Variants in ZNF718 observed in about 807,000 individuals in gnomAD.
ZNF718 encodes zinc finger protein 718.
ZNF718 carries 3 observed loss-of-function variants against 2.6 expected under a neutral mutation model. The observed-to-expected ratio is 1.16, with a 90% CI of 0.53 to 3.01. The LOEUF (loss-of-function observed/expected upper bound fraction) is 3.01. Ranked by LOEUF, ZNF718 falls within the 30% of genes most tolerant of loss-of-function variation. ZNF718 has a pLI of 0.03. For missense variants in ZNF718, 468 were observed against 230.0 expected, an observed-to-expected ratio of 2.03 and a Z score of -6.69; for synonymous variants, 135 against 77.9, an observed-to-expected ratio of 1.73 and a Z score of -3.86.
intron 1 of ZNF718, chr4:124,922 A>T: frequency 2.3e-6 from 1 of 444,084 alleles, no homozygotes; most frequent in South Asian, 2.6e-5. Context: ...GTAGGAGCTC[A>T]TCCGGAAGAC....
rs1553815670 is a variant in ZNF718, at chr4:162,134, A to T, written c.*12A>T. The T allele has an allele frequency of 2.8e-6, 2 of 711,690 alleles. No individual in the cohort carries two copies. Among genetic ancestry groups the T allele is most frequent in the Non-Finnish European group, 5.2e-6 (2 of 387,206 alleles). 44.1% of individuals were successfully genotyped at this position (711,690 alleles called of 1,614,324 possible). On this transcript the variant is annotated 3_prime_UTR_variant, in exon 4 of 4. Transcript: ENST00000510175. ...GAGGAAAATTTTAGAAATGTGAAGA[A>T]TGTGGGAGCCTTTAAGTCTTCCTCA...
chr4:168,430 C>G (rs1717142857), downstream of ZNF718, among the ~76,000 whole-genome samples: 1 of 152,146 alleles, frequency 6.6e-6, no homozygotes, highest in Non-Finnish European at 1.5e-5. Flanking sequence ...GGAATGGTAC[C>G]AGATCCTCCT....
At chr4:189,658 G>A (rs1218344023) in intron 3 of ZNF718, among the ~76,000 whole-genome samples, 1 of 152,142 alleles carries the variant, frequency 6.6e-6, no homozygotes, top group Admixed American at 6.5e-5. Context: ...CCAGTACAGT[G>A]TTAAACAGAG....
At chr4:143,789 CT>C (rs1715919494) in intron 3 of ZNF718, among the ~76,000 whole-genome samples, 1 of 152,174 alleles carries the variant, frequency 6.6e-6, no homozygotes, top group Non-Finnish European at 1.5e-5. Flanking sequence ...AAACACACCC[CT>C]GGCCATCAAG....
intron 3 of ZNF718, among the ~76,000 whole-genome samples, chr4:148,894 A>G (rs1326007726): frequency 6.6e-6 from 1 of 152,188 alleles, no homozygotes; most frequent in Non-Finnish European, 1.5e-5. Context: ...AGCTATGTTT[A>G]CAGTGAGAAT....
At chr4:187,229 GT>G (rs1553820579) in intron 3 of ZNF718, among the ~76,000 whole-genome samples, 19 of 151,474 alleles carry the variant, frequency 1.3e-4, no homozygotes, top group Non-Finnish European at 2.8e-4. Context: ...TTTTGTTTTT[GT>G]TTTTGTTTTT....
Position 133,185 on chromosome 4 carries a change from AAAAAAAAAAAATATATATATATATAT to A in ZNF718, c.226+1682_226+1707del, listed in dbSNP as rs1323301281. 2.1e-4 allele frequency among the ~76,000 whole-genome samples: 6 copies of A among 28,588 alleles called. 3 individuals are homozygous for A. Among genetic ancestry groups the A allele is most frequent in the African/African-American group, 6.8e-4 (6 of 8,792 alleles). The allele number at this position is 28,588 out of a possible 152,430, so 18.8% of individuals were successfully genotyped here. ...ACAGCAAGACTCCATCTTAAAAAAA[AAAAAAAAAAAATATATATATATATAT>A]ATATATATATATATATATGGTAACA... On this transcript the variant is annotated intron_variant, in intron 3 of 3. Coordinates refer to ENST00000510175, the MANE Select transcript of ZNF718 (RefSeq NM_001039127.6).
At chr4:173,932 A>G (rs992566607) in intron 3 of ZNF718, among the ~76,000 whole-genome samples, 6 of 152,220 alleles carry the variant, frequency 3.9e-5, no homozygotes, top group African/African-American at 7.2e-5. Flanking sequence ...GCATTTGTTT[A>G]CTACAGATGT....
chr4:166,055 G>A (rs1327912056), downstream of ZNF718, among the ~76,000 whole-genome samples: 1 of 152,068 alleles, frequency 6.6e-6, no homozygotes, highest in Non-Finnish European at 1.5e-5. Flanking sequence ...CTGTGTCCAT[G>A]AGTTCTCACT....
rs559034263 is a variant in ZNF718 at position 124,882 on chromosome 4, G to A, written c.3+209G>A. 18 of 570,370 alleles carry A rather than the reference G, an allele frequency of 3.2e-5. No homozygotes were observed. The South Asian group carries it at 3.3e-4, about 11-fold the overall frequency. 35.3% of individuals were successfully genotyped at this position (570,370 alleles called of 1,614,324 possible). On this transcript the variant is annotated intron_variant, in intron 1 of 3. Transcript: ENST00000510175. ...CTCCTTGTGCAGCTCTGCGCCGGTA[G>A]CCCTGCACTTTCCCCGGGCTGTGGA...
Position 162,077 on chromosome 4 carries a change from C to T in ZNF718, c.1392C>T (p.Ser464=). The T allele has an allele frequency of 1.3e-6, 1 of 769,800 alleles. No individual in the cohort carries two copies. Among genetic ancestry groups the T allele is most frequent in the Non-Finnish European group, 2.4e-6 (1 of 413,422 alleles). 47.7% of individuals were successfully genotyped at this position (769,800 alleles called of 1,614,324 possible). ...GCGGGAAAGCTTTTAAGCAGTACTC[C>T]AACCTTCCTCAACATAAGAGAACTC... The part of the protein sequence containing the change: ...KECGKAFKQY[S]NLPQHKRTHT... The change falls in exon 4 of 4, where the codon TCC becomes TCT. Residue 464 remains serine (S), a synonymous_variant. Transcript: ENST00000510175.
At chr4:125,582 C>T (rs1715171561) in intron 1 of ZNF718, among the ~76,000 whole-genome samples, 1 of 152,178 alleles carries the variant, frequency 6.6e-6, no homozygotes, top group African/African-American at 2.4e-5. Flanking sequence ...TGGAGGAAGT[C>T]ACCTGGTGTC....
At chr4:135,731 G>A (rs1715532536) in intron 3 of ZNF718, among the ~76,000 whole-genome samples, 1 of 19,472 alleles carries the variant, frequency 5.1e-5, no homozygotes, top group Admixed American at 8.7e-4. Flanking sequence ...TTACTCTAGA[G>A]TTATATATAT....
At chr4:142,054 C>T (rs781996603) in intron 3 of ZNF718, 1 of 519,998 alleles carries the variant, frequency 1.9e-6, no homozygotes, top group Non-Finnish European at 3.8e-6. Flanking sequence ...TTGCCACCCA[C>T]ACTACAACAA....
chr4:149,486 T>G (rs1400068768), intron 3 of ZNF718, among the ~76,000 whole-genome samples: 1 of 152,184 alleles, frequency 6.6e-6, no homozygotes, highest in African/African-American at 2.4e-5. Flanking sequence ...ATGTAGATAC[T>G]CCTTGATTAT....
intron 3 of ZNF718, among the ~76,000 whole-genome samples, chr4:188,333 C>T (rs56128594): frequency 0.15 from 23,194 of 152,240 alleles, 2,598 homozygotes; most frequent in East Asian, 0.5. Flanking sequence ...CTTCCTCATT[C>T]GGATTGTTTG....
chr4:133,184 AAAAAAAAAAAAATATATATATATATAT>A lies in ZNF718; in HGVS notation c.226+1681_226+1707del, dbSNP rs1443536397. 1.1e-3 allele frequency among the ~76,000 whole-genome samples: 27 copies of A among 23,686 alleles called. 10 individuals carry two copies. Among genetic ancestry groups the A allele is most frequent in the African/African-American group, 5.0e-3 (27 of 5,392 alleles). The allele number at this position is 23,686 out of a possible 152,430, so 15.5% of individuals were successfully genotyped here. A position where few individuals can be genotyped will look rare whatever the true frequency, so the allele number is the denominator to read the frequency against. On this transcript the variant is annotated intron_variant, in intron 3 of 3. Transcript: ENST00000510175. ...CACAGCAAGACTCCATCTTAAAAAA[AAAAAAAAAAAAATATATATATATATAT>A]ATATATATATATATATATGGTAACA...
chr4:174,666 C>T (rs1279720214), intron 3 of ZNF718, among the ~76,000 whole-genome samples: 1 of 152,170 alleles, frequency 6.6e-6, no homozygotes, highest in African/African-American at 2.4e-5. Context: ...CCTGTCGAGG[C>T]TATAACTACC....
At chr4:198,873 C>T (rs549362402) in intron 3 of ZNF718, among the ~76,000 whole-genome samples, 19 of 152,112 alleles carry the variant, frequency 1.2e-4, no homozygotes, top group Non-Finnish European at 1.5e-5. Flanking sequence ...GTGCATGTCA[C>T]CATAACATGT....
Sources: gnomAD v4.1 joint callset for allele counts (sites outside exome capture counted in the v4.1 genomes callset) on GRCh38, gnomAD v4.1.1 for gene constraint, MANE v1.5 for transcripts, NCBI Gene and HGNC (gene_info 2026-07-23, HGNC 2026-07-21) for gene names.